GSAP: variants seen among roughly 807,000 people sequenced by gnomAD.
GSAP encodes gamma-secretase activating protein.
Under a neutral mutation model 131.7 loss-of-function variants are expected in GSAP, and 118 were observed. That is an observed-to-expected ratio of 0.90 (90% confidence interval 0.77 to 1.04). The LOEUF is 1.04. Among genes scored for constraint, GSAP ranks in the 50% least tolerant of loss-of-function variants. GSAP has a pLI of 0.00. For missense variants in GSAP, 1,019 were observed against 1,013.2 expected (o/e 1.01, Z -0.08); for synonymous variants, 381 against 363.4 (o/e 1.05, Z -0.55).
intron 26 of GSAP, among the ~76,000 whole-genome samples, chr7:77,320,316 A>G (rs138018911): frequency 4.2e-4 from 64 of 152,238 alleles, no homozygotes; most frequent in Non-Finnish European, 7.2e-4. Flanking sequence ...TAAAAATTCC[A>G]AGGGAATTTT....
chr7:77,377,732 C>T (rs891283093), intron 8 of GSAP, among the ~76,000 whole-genome samples: 12 of 152,238 alleles, frequency 7.9e-5, no homozygotes, highest in African/African-American at 2.7e-4. Context: ...GTACCTAACT[C>T]TCTTAAGTCA....
At chr7:77,339,572 C>T (rs1190525894) in intron 19 of GSAP, among the ~76,000 whole-genome samples, 1 of 152,090 alleles carries the variant, frequency 6.6e-6, no homozygotes, top group Non-Finnish European at 1.5e-5. Flanking sequence ...AGCCCCCAAG[C>T]ATGTGTGGAA....
intron 5 of GSAP, among the ~76,000 whole-genome samples, chr7:77,395,248 CAAG>C (rs1348540210): frequency 6.6e-6 from 1 of 152,100 alleles, no homozygotes; most frequent in African/African-American, 2.4e-5. Context: ...AAATAAGGCT[CAAG>C]AAGAACTGGG....
chr7:77,380,898 AGG>A (rs1221039051), intron 8 of GSAP, among the ~76,000 whole-genome samples: 9 of 152,246 alleles, frequency 5.9e-5, no homozygotes, highest in African/African-American at 2.2e-4. Context: ...AGTAACCCAT[AGG>A]GATACTCCTG....
chr7:77,374,966 CTT>C (rs1434765474), intron 11 of GSAP, 90 bp downstream of exon 11: 5 of 613,384 alleles, frequency 8.2e-6, no homozygotes, highest in Non-Finnish European at 1.1e-5. Flanking sequence ...ATCAAACTCT[CTT>C]TTTATCTGCA....
intron 19 of GSAP, among the ~76,000 whole-genome samples, chr7:77,334,742 C>T (rs542615104): frequency 4.6e-5 from 7 of 152,084 alleles, no homozygotes; most frequent in East Asian, 3.9e-4. Context: ...ACCGGCAACT[C>T]GAAAAGAGCT....
At chr7:77,336,550 A>C (rs913087576) in intron 19 of GSAP, among the ~76,000 whole-genome samples, 23 of 152,082 alleles carry the variant, frequency 1.5e-4, no homozygotes, top group Non-Finnish European at 2.9e-4. Context: ...CAATGGCGCA[A>C]TCTTGGCTCA....
rs533007117 is a variant in GSAP at position 77,353,001 on chromosome 7, T to C, written c.1434A>G (p.Ser478=). Residue 478 remains serine (S), a synonymous_variant, in exon 18 of 31, where the codon TCA becomes TCG. Transcript: ENST00000257626. The part of the protein sequence containing the change: ...IIASSYWSVY[S]ETSNMDKLLP... The stretch of plus-strand genomic sequence containing the variant: ...ATAGTTTGTCCATGTTACTTGTCTC[T>C]GAATATACACTCCAGTATGAAGAAG... 7 of 1,604,054 alleles carry C rather than the reference T, an allele frequency of 4.4e-6. 1 individual carries two copies. The African/African-American group carries it at 6.7e-5, about 15-fold the overall frequency.
At chr7:77,326,941 T>C (rs1788400731) in intron 22 of GSAP, 1 of 152,328 alleles carries the variant, frequency 6.6e-6, no homozygotes, top group Admixed American at 6.5e-5. Context: ...TCTTCTTAAA[T>C]ACTTGAGATC....
At chr7:77,344,637 C>A (rs1465931900) in intron 19 of GSAP, among the ~76,000 whole-genome samples, 1 of 152,226 alleles carries the variant, frequency 6.6e-6, no homozygotes, top group African/African-American at 2.4e-5. Flanking sequence ...CAGCTAGTAT[C>A]TCCTGGTGCT....
intron 14 of GSAP, among the ~76,000 whole-genome samples, chr7:77,357,696 G>A (rs1443327704): frequency 6.6e-6 from 1 of 152,192 alleles, no homozygotes; most frequent in Non-Finnish European, 1.5e-5. Flanking sequence ...CCACATTCAA[G>A]CCATCCTGGG....
At chr7:77,407,606 TAAC>T (rs1413097090) in intron 1 of GSAP, among the ~76,000 whole-genome samples, 6 of 152,218 alleles carry the variant, frequency 3.9e-5, no homozygotes, top group Non-Finnish European at 5.9e-5. Flanking sequence ...CTAAAAGTTG[TAAC>T]AGGCATCCTT....
At chr7:77,351,405 G>A in intron 18 of GSAP, 1 of 981,598 alleles carries the variant, frequency 1.0e-6, no homozygotes, top group Non-Finnish European at 1.2e-6. Context: ...TTTCGCCTGT[G>A]GAAACTTTTT....
chr7:77,331,332 A>G (rs1260857218), intron 19 of GSAP, among the ~76,000 whole-genome samples: 4 of 152,200 alleles, frequency 2.6e-5, no homozygotes, highest in African/African-American at 4.8e-5. Context: ...ATACATTCTT[A>G]GTGTTGAAGG....
At chr7:77,355,173 C>T (rs377097778) in intron 16 of GSAP, 40 bp downstream of exon 16, 22 of 1,240,560 alleles carry the variant, frequency 1.8e-5, no homozygotes, top group Middle Eastern at 1.9e-4. Flanking sequence ...TGTTCAGTGT[C>T]GTCTATCTGC....
intron 5 of GSAP, among the ~76,000 whole-genome samples, chr7:77,392,461 T>G (rs960936612): frequency 2.0e-5 from 3 of 149,984 alleles, no homozygotes; most frequent in African/African-American, 4.9e-5. Context: ...GGCAGGAGTA[T>G]CGCTTGAACC....
chr7:77,397,095 T>C, intron 4 of GSAP, 60 bp from the exon 5 acceptor site: 1 of 1,172,196 alleles, frequency 8.5e-7, no homozygotes, highest in South Asian at 1.3e-5. Flanking sequence ...TTGTTAAAGT[T>C]TACCAGTTTA....
At chr7:77,353,970 AAAAG>A (rs1024221334) in intron 16 of GSAP, among the ~76,000 whole-genome samples, 5 of 152,216 alleles carry the variant, frequency 3.3e-5, no homozygotes, top group Non-Finnish European at 5.9e-5. Context: ...ATACAGGAAA[AAAAG>A]AAAAACAAAA....
At chr7:77,404,067 A>T (rs1364371703) in intron 3 of GSAP, among the ~76,000 whole-genome samples, 2 of 152,256 alleles carry the variant, frequency 1.3e-5, no homozygotes, top group Non-Finnish European at 2.9e-5. Context: ...AACTGGAGTT[A>T]TTCTGTCATA....
Sources: allele counts gnomAD v4.1 joint callset (sites outside exome capture counted in the v4.1 genomes callset), GRCh38; gene constraint gnomAD v4.1.1; transcripts MANE v1.5; gene names NCBI Gene and HGNC (gene_info 2026-07-23, HGNC 2026-07-21).